Variants in SMTN observed in about 807,000 individuals in gnomAD.
The protein encoded by SMTN is smoothelin.
SMTN carries 58 observed loss-of-function variants against 102.0 expected under a neutral mutation model. The observed-to-expected ratio is 0.57, with a 90% confidence interval of 0.46 to 0.71. The LOEUF (loss-of-function observed/expected upper bound fraction) is 0.71, where lower values mean the gene tolerates loss of function less well. SMTN is among the 30% of genes least tolerant of loss of function. The pLI is 0.00. For missense variants in SMTN, 1,185 were observed against 1,241.7 expected (o/e 0.95, Z 0.69); for synonymous variants, 478 against 497.9 (o/e 0.96, Z 0.53).
chr22:31,092,865 C>T (rs898573764), intron 11 of SMTN, among the ~76,000 whole-genome samples: 1 of 152,220 alleles, frequency 6.6e-6, no homozygotes, highest in Non-Finnish European at 1.5e-5. Flanking sequence ...TGGACGTGAG[C>T]ACCATGGGCA....
chr22:31,082,708 T>C (rs1399221766), intron 1 of SMTN: 2 of 658,386 alleles, frequency 3.0e-6, no homozygotes, highest in African/African-American at 3.6e-5. Context: ...ATGACAGTGG[T>C]GGTGGCAGCA....
chr22:31,081,769 G>A (rs991346654), intron 1 of SMTN, among the ~76,000 whole-genome samples: 2 of 152,186 alleles, frequency 1.3e-5, no homozygotes, highest in Non-Finnish European at 2.9e-5. Flanking sequence ...GAAGAGCAGC[G>A]GCAGGGATCT....
Position 31,095,620 on chromosome 22 carries a change from A to G in SMTN, c.1861+11A>G, listed in dbSNP as rs1569261588. 6.2e-7 allele frequency: 1 copy of G among 1,607,902 alleles called. No homozygotes were observed. The highest frequency in any genetic ancestry group is 8.5e-7 in the Non-Finnish European group (1 of 1,176,918). ...GACAAAGGAAGAGAGGTAGAGAGCC[A>G]GTTGCCCTACCCTAGATCCAGCTGC... On this transcript the variant is annotated intron_variant, in intron 13 of 20. Coordinates refer to ENST00000333137, the MANE Select transcript of SMTN (RefSeq NM_134269.3). This position sits in a 1 kb window ranked among gnomAD's most constrained non-coding sequence, Gnocchi z 4.1.
At chr22:31,065,827 T>C (rs2041836508) in intron 1 of SMTN, 1 of 151,892 alleles carries the variant, frequency 6.6e-6, no homozygotes, top group South Asian at 2.1e-4. Flanking sequence ...TTTAGGATCC[T>C]TATCTATAAA....
At chr22:31,084,097 A>G (rs2147575493) in intron 2 of SMTN, among the ~76,000 whole-genome samples, 1 of 152,302 alleles carries the variant, frequency 6.6e-6, no homozygotes, top group Non-Finnish European at 1.5e-5. Flanking sequence ...AGGAAAGATG[A>G]GCCCACTCCA....
At chr22:31,088,448 C>T (rs1392445930) in intron 3 of SMTN, 65 bp from the exon 4 acceptor site, 1 of 1,446,062 alleles carries the variant, frequency 6.9e-7, no homozygotes, top group Non-Finnish European at 9.6e-7. Context: ...TGGCTCCTAC[C>T]CTTAGCCCAC....
intron 20 of SMTN, chr22:31,102,703 G>GCCTGAGC (rs540543712): frequency 0.032 from 4,877 of 152,460 alleles, 110 homozygotes; most frequent in Middle Eastern, 0.084. Flanking sequence ...CACTGGGGCA[G>GCCTGAGC]CCTGAGCCCT....
In SMTN at chr22:31,096,847, A is replaced by T; in HGVS notation, c.1976A>T (p.Asp659Val). 5 of 1,576,118 alleles carry T rather than the reference A, an allele frequency of 3.2e-6. No individual in the cohort carries two copies. Among genetic ancestry groups the T allele is most frequent in the Non-Finnish European group, 4.3e-6 (5 of 1,158,056 alleles). The change falls in exon 14 of 21, where the codon GAT becomes GTT. Residue 659 changes from aspartate to valine, a missense_variant. Asp to Val is a radical substitution (Grantham distance 152). This residue lies in a region of SMTN where 1,096 missense variants were observed against 1,112.7 expected (regional missense o/e 0.98). Transcript: ENST00000333137. ...TTTRHSQRAADGSAVSTVTKT... is the reference protein window; with the variant it reads ...TTTRHSQRAAVGSAVSTVTKT... Reference sequence around the variant, plus strand: ...ACGAGGCACAGCCAGCGGGCAGCTGATGGCTCTGCTGTCAGCACTGTTACC... The same window carrying T: ...ACGAGGCACAGCCAGCGGGCAGCTGTTGGCTCTGCTGTCAGCACTGTTACC...
At chr22:31,091,593 G>A in intron 10 of SMTN, 82 bp from the exon 11 acceptor site, 1 of 1,515,388 alleles carries the variant, frequency 6.6e-7, no homozygotes, top group Non-Finnish European at 8.9e-7. Context: ...GGGTGTGCTG[G>A]GAGCGAGGGC....
At chr22:31,090,083 C>T (rs1602625225) in intron 7 of SMTN, 25 bp from the exon 8 acceptor site, 1 of 1,611,218 alleles carries the variant, frequency 6.2e-7, no homozygotes, top group Admixed American at 1.7e-5. Context: ...AGGCCTTGCT[C>T]AGGCCCTGTT....
At chr22:31,091,522 C>G (rs779664838) in intron 10 of SMTN, 40 bp downstream of exon 10, 2 of 1,514,812 alleles carry the variant, frequency 1.3e-6, no homozygotes, top group South Asian at 2.6e-5. Context: ...GGATGAGTGC[C>G]TGCAACCGCA....
chr22:31,073,083 C>T (rs1388558115), intron 1 of SMTN, among the ~76,000 whole-genome samples: 2 of 140,970 alleles, frequency 1.4e-5, no homozygotes, highest in Non-Finnish European at 3.0e-5. Flanking sequence ...GGCATGATCT[C>T]GGTTCAGTGT....
At chr22:31,103,114 G>A (rs1321233259) in intron 20 of SMTN, 5 of 152,198 alleles carry the variant, frequency 3.3e-5, no homozygotes, top group Non-Finnish European at 7.3e-5. Context: ...CTGCCTCCCA[G>A]GTTTCTTCTC....
Position 31,090,140 on chromosome 22 carries a change from C to A in SMTN, c.825C>A (p.Ala275=). Residue 275 remains alanine (A), a synonymous_variant, in exon 8 of 21, where the codon GCC becomes GCA. Coordinates refer to ENST00000333137, the MANE Select transcript of SMTN (RefSeq NM_134269.3). Reference sequence around the variant, plus strand: ...CTGGCCCCAAAGAGACCCCTGCTGCCCAGAGCCCCACCAGAGGCCCCTCTG... The same window carrying A: ...CTGGCCCCAAAGAGACCCCTGCTGCACAGAGCCCCACCAGAGGCCCCTCTG... ...LLSGPKETPA[A]QSPTRGPSDT... 3.1e-6 allele frequency: 5 copies of A among 1,612,784 alleles called. No homozygotes were observed. Among genetic ancestry groups the A allele is most frequent in the Non-Finnish European group, 4.2e-6 (5 of 1,179,356 alleles).
intron 15 of SMTN, 24 bp downstream of exon 15, chr22:31,097,084 GTGCC>G (rs749359617): frequency 4.3e-6 from 7 of 1,610,698 alleles, no homozygotes; most frequent in Non-Finnish European, 5.1e-6. Flanking sequence ...GTGTCGCCCT[GTGCC>G]TGCCTGCCTG....
chr22:31,079,905 G>A (rs895680814), upstream of SMTN, among the ~76,000 whole-genome samples: 1 of 152,196 alleles, frequency 6.6e-6, no homozygotes, highest in African/African-American at 2.4e-5. Context: ...TGGGATTACA[G>A]GTGCATGCCA....
At chr22:31,084,931 G>T in intron 2 of SMTN, 2 of 1,350,736 alleles carry the variant, frequency 1.5e-6, no homozygotes, top group South Asian at 3.4e-5. Flanking sequence ...CCCGAGCCGG[G>T]CTCCTCCCCG....
intron 1 of SMTN, chr22:31,066,192 G>A (rs1391223473): frequency 2.0e-5 from 3 of 152,190 alleles, no homozygotes; most frequent in Non-Finnish European, 4.4e-5. Flanking sequence ...TGGGTGTTGG[G>A]CAGGAGAACC....
chr22:31,070,923 C>CAAAAAA, intron 1 of SMTN, among the ~76,000 whole-genome samples: 1 of 104,484 alleles, frequency 9.6e-6, no homozygotes, highest in Non-Finnish European at 1.9e-5. Context: ...AACTCTGTCT[C>CAAAAAA]AAAAAAAAAA....
Sources: allele counts gnomAD v4.1 joint callset (sites outside exome capture counted in the v4.1 genomes callset), GRCh38; gene constraint gnomAD v4.1.1; regional missense constraint gnomAD v4.1.1; non-coding constraint Gnocchi (gnomAD v3.1); transcripts MANE v1.5; gene names NCBI Gene and HGNC (gene_info 2026-07-23, HGNC 2026-07-21).